Variants in TBC1D4 observed in about 807,000 individuals in gnomAD.
The protein encoded by TBC1D4 is TBC1 domain family member 4.
TBC1D4 carries 121 observed loss-of-function variants against 142.5 expected under a neutral mutation model. That is an observed-to-expected ratio of 0.85 (90% CI 0.73 to 0.99). The LOEUF is 0.99. TBC1D4 is among the 50% of genes least tolerant of loss of function. TBC1D4 has a pLI of 0.00. For synonymous variants in TBC1D4, 630 were observed against 628.2 expected (o/e 1.00, Z -0.04); for missense variants, 1,475 against 1,606.6 (o/e 0.92, Z 1.40).
At chr13:75,453,234 A>C (rs1887599943) in intron 1 of TBC1D4, among the ~76,000 whole-genome samples, 1 of 151,918 alleles carries the variant, frequency 6.6e-6, no homozygotes, top group Non-Finnish European at 1.5e-5. Flanking sequence ...AAGTATCCTC[A>C]AGCACTGAGC....
rs1882018978 is a variant in TBC1D4 at position 75,356,070 on chromosome 13, T to C, written c.1275+77A>G. The C allele has an allele frequency of 3.7e-6, 4 of 1,094,690 alleles. No individual in the cohort carries two copies. In the African/African-American group the frequency reaches 6.2e-5, roughly 17 times the overall value. 67.8% of individuals were successfully genotyped at this position (1,094,690 alleles called of 1,614,324 possible). ...CCCATAGATAGCCATATTGCAAGGC[T>C]TGGGCTCCTAAGAGACAAGTCTTCT... On this transcript the variant is annotated intron_variant, in intron 4 of 20. Transcript: ENST00000377636.
At chr13:75,476,384 T>C (rs1484537098) in intron 1 of TBC1D4, among the ~76,000 whole-genome samples, 1 of 152,252 alleles carries the variant, frequency 6.6e-6, no homozygotes, top group Non-Finnish European at 1.5e-5. Flanking sequence ...GTGAAGAATT[T>C]TCCACCTGTA....
intron 4 of TBC1D4, 61 bp downstream of exon 4, chr13:75,356,086 C>T (rs1882020767): frequency 7.7e-7 from 1 of 1,307,142 alleles, no homozygotes; most frequent in South Asian, 1.2e-5. Context: ...TCCTAAGAGA[C>T]AAGTCTTCTG....
rs1566370342 is a variant in TBC1D4, at chr13:75,315,397, TACACACATATATATATATATAC to T, written c.2223-2521_2223-2500del. On this transcript the variant is annotated intron_variant, in intron 12 of 20. Transcript: ENST00000377636. ...ACACACACACACACACATATATATATACACACATATATATATATATACACACACATATATATATATATATTTG... is the reference window on the plus strand; with the variant it reads ...ACACACACACACACACATATATATATACACACATATATATATATATATTTG... Among the ~76,000 whole-genome samples, 10 of 103,778 alleles carry T rather than the reference TACACACATATATATATATATAC, an allele frequency of 9.6e-5. No individual in the cohort carries two copies. In the East Asian group the frequency reaches 1.9e-3, roughly 19 times the overall value. The allele number at this position is 103,778 out of a possible 152,430, so 68.1% of individuals were successfully genotyped here.
At chr13:75,474,367 G>A (rs1329140597) in intron 1 of TBC1D4, among the ~76,000 whole-genome samples, 2 of 152,190 alleles carry the variant, frequency 1.3e-5, no homozygotes, top group African/African-American at 4.8e-5. Context: ...AGACCATCCT[G>A]GCTAACACGG....
chr13:75,471,411 C>T (rs906493992), intron 1 of TBC1D4, among the ~76,000 whole-genome samples: 1 of 152,200 alleles, frequency 6.6e-6, no homozygotes, highest in African/African-American at 2.4e-5. Context: ...AATACACCAC[C>T]ACCTGTTTTC....
At chr13:75,421,555 A>G (rs902582522) in intron 1 of TBC1D4, among the ~76,000 whole-genome samples, 5 of 152,216 alleles carry the variant, frequency 3.3e-5, no homozygotes, top group Non-Finnish European at 7.3e-5. Context: ...ACTCCAGAAT[A>G]ATTATTTTTG....
intron 1 of TBC1D4, among the ~76,000 whole-genome samples, chr13:75,410,018 C>G (rs181127424): frequency 6.6e-6 from 1 of 152,258 alleles, no homozygotes; most frequent in Admixed American, 6.5e-5. Flanking sequence ...TTTATCTTAA[C>G]CAAATTTGCC....
intron 1 of TBC1D4, among the ~76,000 whole-genome samples, chr13:75,443,997 A>G (rs2138210093): frequency 6.6e-6 from 1 of 151,824 alleles, no homozygotes; most frequent in East Asian, 1.9e-4. Context: ...AAAGCTGTAG[A>G]TGCTAGGGTA....
chr13:75,287,062 T>C (rs1447082043), intron 20 of TBC1D4, 37 bp from the exon 21 acceptor site: 1 of 1,543,972 alleles, frequency 6.5e-7, no homozygotes, highest in East Asian at 2.2e-5. Flanking sequence ...AATCAAATGA[T>C]TCATTATAGT....
At chr13:75,381,117 T>C (rs1883823880) in intron 1 of TBC1D4, among the ~76,000 whole-genome samples, 2 of 152,236 alleles carry the variant, frequency 1.3e-5, no homozygotes, top group Admixed American at 6.5e-5. Flanking sequence ...GTATCTAACA[T>C]AGGTTCTTAA....
intron 12 of TBC1D4, 104 bp downstream of exon 12, chr13:75,319,910 T>C (rs1878611366): frequency 8.4e-7 from 1 of 1,183,598 alleles, no homozygotes; most frequent in Non-Finnish European, 1.2e-6. Context: ...AAAGATGGCA[T>C]GCATTCAGGA....
intron 1 of TBC1D4, among the ~76,000 whole-genome samples, chr13:75,380,011 T>C (rs910466101): frequency 6.7e-6 from 1 of 149,772 alleles, no homozygotes; most frequent in African/African-American, 2.4e-5. Flanking sequence ...ATTCAAGCGA[T>C]TCTCATGCTT....
chr13:75,321,029 G>C (rs1878726350), intron 11 of TBC1D4, among the ~76,000 whole-genome samples: 1 of 148,174 alleles, frequency 6.7e-6, no homozygotes, highest in East Asian at 2.0e-4. Context: ...GACACAGCAA[G>C]ACTCCATCTC....
At chr13:75,352,511 T>C (rs1881681723) in intron 4 of TBC1D4, among the ~76,000 whole-genome samples, 1 of 152,162 alleles carries the variant, frequency 6.6e-6, no homozygotes, top group Non-Finnish European at 1.5e-5. Context: ...TTTAAACCTA[T>C]TTTAGAGAAA....
rs972657900 is a variant in TBC1D4 at position 75,357,836 on chromosome 13, A to G, written c.1171-1585T>C. ...GATGGCTAACCTGACAATTACCTCAATGAAAGGCAGGGCTTTCCACAAATC... is the reference window on the plus strand; with the variant it reads ...GATGGCTAACCTGACAATTACCTCAGTGAAAGGCAGGGCTTTCCACAAATC... On this transcript the variant is annotated intron_variant, in intron 3 of 20. Coordinates refer to ENST00000377636, the MANE Select transcript of TBC1D4 (RefSeq NM_014832.5). Among the ~76,000 whole-genome samples the G allele has an allele frequency of 7.2e-5, 11 of 152,308 alleles. 1 individual carries two copies. In the East Asian group the frequency reaches 1.9e-3, roughly 27 times the overall value.
At chr13:75,301,626 C>G (rs1016503067) in intron 16 of TBC1D4, among the ~76,000 whole-genome samples, 5 of 147,998 alleles carry the variant, frequency 3.4e-5, no homozygotes, top group African/African-American at 1.3e-4. Context: ...GCCTGGGCAA[C>G]AGAGGGAGAC....
chr13:75,301,755 G>A (rs1876584149), intron 16 of TBC1D4, among the ~76,000 whole-genome samples: 1 of 152,096 alleles, frequency 6.6e-6, no homozygotes, highest in South Asian at 2.1e-4. Flanking sequence ...CACCCTATAG[G>A]TGTATAGTCA....
intron 16 of TBC1D4, among the ~76,000 whole-genome samples, chr13:75,300,512 AT>A (rs11429595): frequency 2.0e-5 from 3 of 151,592 alleles, no homozygotes; most frequent in Non-Finnish European, 2.9e-5. Flanking sequence ...CTTAAAAGTG[AT>A]TTTTTTTTCT....
Sources: allele counts gnomAD v4.1 joint callset (sites outside exome capture counted in the v4.1 genomes callset), GRCh38; gene constraint gnomAD v4.1.1; transcripts MANE v1.5; gene names NCBI Gene and HGNC (gene_info 2026-07-23, HGNC 2026-07-21).